The following LUZP2 variants were observed in gnomAD, a reference collection of about 807,000 sequenced individuals.
LUZP2 encodes the protein leucine zipper protein 2.
In LUZP2, 52 loss-of-function variants were observed where a neutral mutation model predicts 51.6. That is an observed-to-expected ratio of 1.01 (90% CI 0.81 to 1.27). The LOEUF is 1.27. Among genes scored for constraint, LUZP2 ranks in the 50% most tolerant of loss-of-function variants. The probability of loss-of-function intolerance (pLI) is 0.00; values close to 1 mark genes in which losing one functional copy is unlikely to be tolerated. For synonymous variants in LUZP2, 154 were observed against 137.3 expected (o/e 1.12, Z -0.85); for missense variants, 436 against 395.4 (o/e 1.10, Z -0.87).
intron 5 of LUZP2, among the ~76,000 whole-genome samples, chr11:24,775,168 G>A (rs558576702): frequency 6.6e-6 from 1 of 152,070 alleles, no homozygotes; most frequent in South Asian, 2.1e-4. Context: ...TCATCTAAGG[G>A]GTAGCTTTTG....
At chr11:24,842,504 G>A (rs185755015) in intron 5 of LUZP2, among the ~76,000 whole-genome samples, 28 of 151,818 alleles carry the variant, frequency 1.8e-4, no homozygotes, top group African/African-American at 6.0e-4. Flanking sequence ...CCAACAAGGC[G>A]AATTCAGCAA....
rs117461653 is a variant in LUZP2, at chr11:25,077,900, G to C, written c.936+494G>C. The stretch of plus-strand genomic sequence containing the variant: ...CATGGTGCCCCTGGGCTTTTCCAAG[G>C]CTGCTCTGCTTTCTACTAAGCTTTT... On this transcript the variant is annotated intron_variant, in intron 11 of 11. Transcript: ENST00000336930. 3.7e-3 allele frequency among the ~76,000 whole-genome samples: 566 copies of C among 152,200 alleles called. 1 individual carries two copies. Among genetic ancestry groups the C allele is most frequent in the Non-Finnish European group, 6.6e-3 (449 of 68,024 alleles).
chr11:24,957,360 T>A (rs1474816364), intron 7 of LUZP2, among the ~76,000 whole-genome samples: 1 of 152,150 alleles, frequency 6.6e-6, no homozygotes, highest in Non-Finnish European at 1.5e-5. Context: ...TATCATTTTT[T>A]ATAGTGAGAA....
chr11:24,604,200 C>T (rs1853835548), intron 1 of LUZP2, among the ~76,000 whole-genome samples: 1 of 151,746 alleles, frequency 6.6e-6, no homozygotes, highest in African/African-American at 2.4e-5. Context: ...TGCTTTTTTA[C>T]TAAAATGTGA....
intron 7 of LUZP2, among the ~76,000 whole-genome samples, chr11:24,936,195 G>A (rs1332409835): frequency 6.6e-6 from 1 of 152,110 alleles, no homozygotes; most frequent in Non-Finnish European, 1.5e-5. Flanking sequence ...GAAAAAAATT[G>A]TAGAGCTCAT....
At chr11:25,065,058 C>A (rs1022235807) in intron 10 of LUZP2, among the ~76,000 whole-genome samples, 1 of 152,036 alleles carries the variant, frequency 6.6e-6, no homozygotes, top group African/African-American at 2.4e-5. Context: ...CATGTTCTGA[C>A]TTCCTACAAA....
intron 5 of LUZP2, among the ~76,000 whole-genome samples, chr11:24,790,026 A>G (rs1307952336): frequency 6.6e-6 from 1 of 152,080 alleles, no homozygotes; most frequent in East Asian, 1.9e-4. Context: ...TAGTCTTTCC[A>G]CCTGTGCTTT....
chr11:24,798,425 G>A (rs1458683878), intron 5 of LUZP2, among the ~76,000 whole-genome samples: 1 of 152,074 alleles, frequency 6.6e-6, no homozygotes, highest in African/African-American at 2.4e-5. Context: ...TCTAATTCCT[G>A]GCCTCAGGCC....
At chr11:24,677,012 C>A (rs1856579930) in intron 1 of LUZP2, among the ~76,000 whole-genome samples, 1 of 152,060 alleles carries the variant, frequency 6.6e-6, no homozygotes. Context: ...ACAAAAAATT[C>A]TAAATAATAA....
At chr11:24,922,334 G>A (rs1854087409) in intron 7 of LUZP2, among the ~76,000 whole-genome samples, 1 of 152,090 alleles carries the variant, frequency 6.6e-6, no homozygotes, top group Non-Finnish European at 1.5e-5. Context: ...TGAAGAGAGG[G>A]CATTGCAACC....
At chr11:24,734,572 T>A (rs1858855347) in intron 3 of LUZP2, among the ~76,000 whole-genome samples, 2 of 151,780 alleles carry the variant, frequency 1.3e-5, no homozygotes, top group African/African-American at 4.8e-5. Context: ...ACAATCAAAG[T>A]TAGAATGGAA....
chr11:24,995,702 C>G (rs1432168724), intron 9 of LUZP2, among the ~76,000 whole-genome samples: 2 of 151,752 alleles, frequency 1.3e-5, no homozygotes, highest in Non-Finnish European at 2.9e-5. Flanking sequence ...TCCTTTTTGC[C>G]TTGTATTTAA....
intron 4 of LUZP2, among the ~76,000 whole-genome samples, chr11:24,754,081 C>A (rs1015096520): frequency 5.3e-5 from 8 of 152,116 alleles, no homozygotes; most frequent in African/African-American, 1.9e-4. Context: ...CTAAAGATTT[C>A]CACCTTGTGA....
At chr11:24,780,044 G>A (rs1849044152) in intron 5 of LUZP2, among the ~76,000 whole-genome samples, 1 of 152,234 alleles carries the variant, frequency 6.6e-6, no homozygotes, top group East Asian at 1.9e-4. Context: ...GGTTACTTCT[G>A]ACATGTGGCT....
chr11:25,073,157 A>G (rs1438974739), intron 10 of LUZP2, among the ~76,000 whole-genome samples: 2 of 152,168 alleles, frequency 1.3e-5, no homozygotes, highest in African/African-American at 4.8e-5. Flanking sequence ...TAAGGATTAC[A>G]CATGACCATT....
chr11:24,644,493 T>C (rs907902941), intron 1 of LUZP2, among the ~76,000 whole-genome samples: 32 of 151,898 alleles, frequency 2.1e-4, no homozygotes, highest in Non-Finnish European at 4.3e-4. Flanking sequence ...AACCTCTCTT[T>C]TTTTTTTTTT....
chr11:24,685,330 C>A (rs1476550136), intron 1 of LUZP2, among the ~76,000 whole-genome samples: 6 of 152,136 alleles, frequency 3.9e-5, no homozygotes, highest in African/African-American at 1.4e-4. Context: ...TGACTACCTG[C>A]AACTAAAAAC....
intron 1 of LUZP2, among the ~76,000 whole-genome samples, chr11:24,504,711 T>A (rs1307364895): frequency 6.6e-6 from 1 of 150,994 alleles, no homozygotes; most frequent in African/African-American, 2.4e-5. Flanking sequence ...AATTTAATAA[T>A]TTTTTTTTAA....
intron 1 of LUZP2, among the ~76,000 whole-genome samples, chr11:24,561,268 A>T (rs1259749738): frequency 6.6e-6 from 1 of 152,210 alleles, no homozygotes. Context: ...TGCAGGTATC[A>T]TATCAAAGAT....
Sources: allele counts gnomAD v4.1 joint callset (sites outside exome capture counted in the v4.1 genomes callset), GRCh38; gene constraint gnomAD v4.1.1; transcripts MANE v1.5; gene names NCBI Gene and HGNC (gene_info 2026-07-23, HGNC 2026-07-21).